The following VSIG10 variants were observed in gnomAD, a reference collection of about 807,000 sequenced individuals.
VSIG10 encodes the protein V-set and immunoglobulin domain-containing protein 10.
A neutral mutation model predicts 58.7 loss-of-function variants in VSIG10; 48 were observed. The ratio of observed to expected loss-of-function variants is 0.82; its 90% confidence interval spans 0.65 to 1.04. VSIG10 has a LOEUF of 1.04. VSIG10 is among the 50% of genes least tolerant of loss of function. VSIG10 has a pLI of 0.00. For missense variants in VSIG10, 628 were observed against 670.0 expected (o/e 0.94, Z 0.69); for synonymous variants, 260 against 267.1 (o/e 0.97, Z 0.26).
intron 4 of VSIG10, among the ~76,000 whole-genome samples, chr12:118,077,443 T>C (rs2032773993): frequency 6.6e-6 from 1 of 152,200 alleles, no homozygotes; most frequent in Non-Finnish European, 1.5e-5. Flanking sequence ...CTATCTTACT[T>C]GTTTTTGTAC....
At chr12:118,088,436 A>G (rs2033196747) in intron 2 of VSIG10, among the ~76,000 whole-genome samples, 1 of 152,126 alleles carries the variant, frequency 6.6e-6, no homozygotes, top group Non-Finnish European at 1.5e-5. Context: ...AATTTCACAG[A>G]CAATAAAACT....
rs1274271241 is a variant in VSIG10, at chr12:118,095,812, A to G, written c.82T>C (p.Leu28=). 8 of 1,606,288 alleles carry G rather than the reference A, an allele frequency of 5.0e-6. No homozygotes were observed. The highest frequency in any genetic ancestry group is 6.8e-6 in the Non-Finnish European group (8 of 1,176,432). The change falls in exon 2 of 9, where the codon TTG becomes CTG. Residue 28 remains leucine, a splice_region_variant and synonymous_variant. Coordinates refer to ENST00000359236, the MANE Select transcript of VSIG10 (RefSeq NM_019086.6). Reference sequence around the variant, plus strand: ...ACTTCTCCAATGACAACAGCCTCCAATCCTGTACAAGGCAAGATCAGGCTG... The same window carrying G: ...ACTTCTCCAATGACAACAGCCTCCAGTCCTGTACAAGGCAAGATCAGGCTG... ...ALLAGWVAVG[L]EAVVIGEVHE... is the part of the protein sequence containing the mutation.
At chr12:118,067,506 C>T (rs1340755478) in intron 8 of VSIG10, among the ~76,000 whole-genome samples, 8 of 147,622 alleles carry the variant, frequency 5.4e-5, no homozygotes, top group Non-Finnish European at 1.0e-4. Flanking sequence ...CTCTGTCACC[C>T]AGGCTGAAGT....
chr12:118,077,769 T>G (rs995471745), intron 4 of VSIG10, among the ~76,000 whole-genome samples: 16 of 152,196 alleles, frequency 1.1e-4, no homozygotes, highest in Non-Finnish European at 2.1e-4. Flanking sequence ...TTATGGAGAA[T>G]CCCACATGGA....
At chr12:118,078,773 T>C (rs1943768634) in intron 4 of VSIG10, among the ~76,000 whole-genome samples, 1 of 151,594 alleles carries the variant, frequency 6.6e-6, no homozygotes, top group Admixed American at 6.6e-5. Context: ...ACCCCATTTC[T>C]ACTAAAAATA....
At chr12:118,076,372 T>G (rs1014572180) in intron 4 of VSIG10, among the ~76,000 whole-genome samples, 4 of 151,916 alleles carry the variant, frequency 2.6e-5, no homozygotes, top group African/African-American at 9.7e-5. Context: ...CGGTCCCTTT[T>G]TTTTTTTTTT....
intron 4 of VSIG10, among the ~76,000 whole-genome samples, chr12:118,077,330 C>A (rs971489586): frequency 6.6e-6 from 1 of 152,146 alleles, no homozygotes; most frequent in African/African-American, 2.4e-5. Context: ...TACCATCTCA[C>A]GGAGACCTCC....
At chr12:118,072,042 G>A (rs1430600371) in intron 5 of VSIG10, among the ~76,000 whole-genome samples, 1 of 152,208 alleles carries the variant, frequency 6.6e-6, no homozygotes, top group African/African-American at 2.4e-5. Flanking sequence ...GGTGGTGCAT[G>A]TCTGTAATCC....
In VSIG10 at chr12:118,091,491, CA is replaced by C. The variant is rs34366147; in HGVS notation, c.361+4041del. ...TGGGCAACAGAGCAAGACTCTGTCT[CA>C]AAAAAAAAAAAAAAAAGTTTCAGAA... On this transcript the variant is annotated intron_variant, in intron 2 of 8. Coordinates refer to ENST00000359236, the MANE Select transcript of VSIG10 (RefSeq NM_019086.6). 6.7e-3 allele frequency among the ~76,000 whole-genome samples: 721 copies of C among 107,034 alleles called. 3 individuals are homozygous for C. The highest frequency in any genetic ancestry group is 0.02 in the East Asian group (75 of 3,776). The allele number at this position is 107,034 out of a possible 152,430, so 70.2% of individuals were successfully genotyped here. A position where few individuals can be genotyped will look rare whatever the true frequency, so the allele number is the denominator to read the frequency against.
chr12:118,073,327 A>G (rs996212660), intron 5 of VSIG10, among the ~76,000 whole-genome samples: 1 of 152,080 alleles, frequency 6.6e-6, no homozygotes. Flanking sequence ...GCCCAGCCCT[A>G]TCGTTGTTTC....
Position 118,066,690 on chromosome 12 carries a change from G to A in VSIG10, c.1572C>T (p.Asp524=), listed in dbSNP as rs374845683. 2.2e-5 allele frequency: 35 copies of A among 1,609,264 alleles called. No individual in the cohort carries two copies. In the South Asian group the frequency reaches 3.2e-4, roughly 15 times the overall value. The change falls in exon 9 of 9, where the codon GAC becomes GAT. Residue 524 remains aspartate, a synonymous_variant. Transcript: ENST00000359236. ...MGNGFQDLQD[D]SSEEQSDIVQ... The stretch of plus-strand genomic sequence containing the variant: ...CAATGTCACTTTGCTCCTCACTGCT[G>A]TCATCTGTATGGGGGGAAATAAACC...
Position 118,095,595 on chromosome 12 carries a change from A to T in VSIG10, c.299T>A (p.Ile100Asn), listed in dbSNP as rs192950567. Residue 100 changes from isoleucine to asparagine, a missense_variant, in exon 2 of 9, where the codon ATC becomes AAC. Physicochemically the swap from Ile to Asn is moderately radical, Grantham distance 149 (BLOSUM62 -3). Coordinates refer to ENST00000359236, the MANE Select transcript of VSIG10 (RefSeq NM_019086.6). Reference sequence around the variant, plus strand: ...ATTCAGGATCTCCTGGCAGGTGTAGATTCCCTCATCTCCCAGGCTCAGCGA... The same window carrying T: ...ATTCAGGATCTCCTGGCAGGTGTAGTTTCCCTCATCTCCCAGGCTCAGCGA... Reference protein sequence around the residue: ...IESLSLGDEGIYTCQEILNVT... With the variant: ...IESLSLGDEGNYTCQEILNVT... The T allele has an allele frequency of 6.2e-7, 1 of 1,613,936 alleles. No homozygotes were observed. The highest frequency in any genetic ancestry group is 8.5e-7 in the Non-Finnish European group (1 of 1,179,886).
intron 2 of VSIG10, among the ~76,000 whole-genome samples, chr12:118,086,056 G>A (rs2033115775): frequency 6.6e-6 from 1 of 152,026 alleles, no homozygotes; most frequent in Non-Finnish European, 1.5e-5. Context: ...CTACTTGGGA[G>A]GCGAGGCAGG....
intron 5 of VSIG10, among the ~76,000 whole-genome samples, chr12:118,072,778 C>T (rs946174029): frequency 1.2e-4 from 18 of 151,922 alleles, no homozygotes; most frequent in African/African-American, 4.3e-4. Context: ...CGAGAGAGGC[C>T]CAAGATGAGA....
At chr12:118,082,087 T>C (rs898293440) in intron 3 of VSIG10, 40 bp downstream of exon 3, 48 of 1,592,432 alleles carry the variant, frequency 3.0e-5, no homozygotes, top group Non-Finnish European at 4.0e-5. Context: ...CACAAAGGGT[T>C]AAGGGGAAGA....
intron 8 of VSIG10, among the ~76,000 whole-genome samples, chr12:118,067,088 G>A (rs967654499): frequency 3.9e-5 from 6 of 152,040 alleles, no homozygotes; most frequent in African/African-American, 1.2e-4. Flanking sequence ...GCAGTGGCAC[G>A]ATCTCATCTC....
At chr12:118,067,194 T>G (rs765446339) in intron 8 of VSIG10, among the ~76,000 whole-genome samples, 3 of 151,826 alleles carry the variant, frequency 2.0e-5, no homozygotes, top group Non-Finnish European at 4.4e-5. Flanking sequence ...CAGCTAATTT[T>G]TTGTATTCTT....
Position 118,082,532 on chromosome 12 carries a change from A to G in VSIG10, c.362-103T>C. On this transcript the variant is annotated intron_variant, in intron 2 of 8. Transcript: ENST00000359236. ...AATGAACAGAAAATAGCCAATGAAGAGTATGGTATCTATCTAATACTAGGT... is the reference window on the plus strand; with the variant it reads ...AATGAACAGAAAATAGCCAATGAAGGGTATGGTATCTATCTAATACTAGGT... 3.4e-6 allele frequency: 4 copies of G among 1,190,646 alleles called. No homozygotes were observed. The South Asian group carries it at 5.9e-5, about 18-fold the overall frequency. 73.8% of individuals were successfully genotyped at this position (1,190,646 alleles called of 1,614,324 possible).
At chr12:118,098,924 TG>T (rs35378165) in intron 1 of VSIG10, among the ~76,000 whole-genome samples, 7 of 147,978 alleles carry the variant, frequency 4.7e-5, no homozygotes, top group Middle Eastern at 3.5e-3. Context: ...AGATGGGGGT[TG>T]GGGGGGGTCT....
Sources: allele counts gnomAD v4.1 joint callset (sites outside exome capture counted in the v4.1 genomes callset), GRCh38; gene constraint gnomAD v4.1.1; transcripts MANE v1.5; gene names NCBI Gene and HGNC (gene_info 2026-07-23, HGNC 2026-07-21).